The following TTLL11 variants were observed in gnomAD, a reference collection of about 807,000 sequenced individuals.
TTLL11 encodes the protein tubulin polyglutamylase TTLL11.
A neutral mutation model predicts 51.7 loss-of-function variants in TTLL11; 42 were observed. The ratio of observed to expected loss-of-function variants is 0.81; its 90% CI spans 0.64 to 1.05. The LOEUF (loss-of-function observed/expected upper bound fraction) is 1.05. Among genes scored for constraint, TTLL11 ranks in the 50% least tolerant of loss-of-function variants. The pLI is 0.00. For synonymous variants in TTLL11, 381 were observed against 383.5 expected (o/e 0.99, Z 0.08); for missense variants, 799 against 940.4 (o/e 0.85, Z 1.97).
chr9:122,009,213 T>C (rs1843732565), intron 3 of TTLL11, among the ~76,000 whole-genome samples: 1 of 152,196 alleles, frequency 6.6e-6, no homozygotes, highest in Non-Finnish European at 1.5e-5. Flanking sequence ...ATGATATATA[T>C]GTGAGGTAAT....
At chr9:121,833,495 C>G (rs930466836) in intron 8 of TTLL11, among the ~76,000 whole-genome samples, 1 of 152,194 alleles carries the variant, frequency 6.6e-6, no homozygotes, top group Non-Finnish European at 1.5e-5. Flanking sequence ...TCCTATCTTA[C>G]GTCTGCATAG....
intron 6 of TTLL11, among the ~76,000 whole-genome samples, chr9:121,945,013 TTTC>T (rs1841613041): frequency 6.6e-6 from 1 of 152,208 alleles, no homozygotes; most frequent in Admixed American, 6.5e-5. Context: ...ACCATTAGTG[TTTC>T]TTCACTAAAT....
At chr9:121,907,612 G>C (rs1349693959) in intron 6 of TTLL11, among the ~76,000 whole-genome samples, 1 of 152,170 alleles carries the variant, frequency 6.6e-6, no homozygotes, top group Non-Finnish European at 1.5e-5. Context: ...AATCATTTAA[G>C]ATTCTTTCAG....
At chr9:122,029,173 T>A (rs1331113077) in intron 3 of TTLL11, among the ~76,000 whole-genome samples, 1 of 152,210 alleles carries the variant, frequency 6.6e-6, no homozygotes, top group Non-Finnish European at 1.5e-5. Flanking sequence ...TTATGCACTG[T>A]ACAGAATACT....
chr9:121,998,147 AC>A (rs1843338051), intron 3 of TTLL11, among the ~76,000 whole-genome samples: 1 of 152,150 alleles, frequency 6.6e-6, no homozygotes, highest in African/African-American at 2.4e-5. Context: ...CCGAATGTAT[AC>A]GACTGGTTAT....
chr9:122,067,850 T>C (rs1845629676), intron 1 of TTLL11, among the ~76,000 whole-genome samples: 1 of 152,246 alleles, frequency 6.6e-6, no homozygotes, highest in Admixed American at 6.5e-5. Context: ...TTCCCACTTC[T>C]TATGACAAGC....
intron 3 of TTLL11, among the ~76,000 whole-genome samples, chr9:121,991,841 C>T (rs959298955): frequency 3.3e-5 from 5 of 152,128 alleles, no homozygotes; most frequent in African/African-American, 7.2e-5. Context: ...ACCCAGTACT[C>T]TCAAAAGTCA....
chr9:121,954,675 G>GATGC (rs1195004791), intron 6 of TTLL11, among the ~76,000 whole-genome samples: 1,403 of 73,996 alleles, frequency 0.019, 17 homozygotes, highest in African/African-American at 0.057. Context: ...CACACACACA[G>GATGC]ACGCACACAC....
At chr9:121,933,006 C>T (rs79679417) in intron 6 of TTLL11, among the ~76,000 whole-genome samples, 1,798 of 152,232 alleles carry the variant, frequency 0.012, 37 homozygotes, top group African/African-American at 0.041. Context: ...TGATGTCTCA[C>T]GGAAAAGATT....
Position 121,997,389 on chromosome 9 carries a change from C to A in TTLL11, c.694-7619G>T, listed in dbSNP as rs147140597. On this transcript the variant is annotated intron_variant, in intron 3 of 8. Transcript: ENST00000321582. ...CTCCTTCCCCACAGTGCAGTCCCAG[C>A]CAGCCTCTGTCCAGCCCCACCTAAT... is the stretch of plus-strand genomic sequence containing the variant. 6.6e-4 allele frequency among the ~76,000 whole-genome samples: 100 copies of A among 152,094 alleles called. No homozygotes were observed. In the East Asian group the frequency reaches 0.018, roughly 27 times the overall value.
chr9:121,960,676 G>A (rs545147942), intron 6 of TTLL11, among the ~76,000 whole-genome samples: 7 of 152,128 alleles, frequency 4.6e-5, no homozygotes, highest in East Asian at 1.9e-4. Flanking sequence ...ACTTGCATTC[G>A]TTCACACCTT....
intron 8 of TTLL11, among the ~76,000 whole-genome samples, chr9:121,836,486 C>T (rs985300939): frequency 6.6e-6 from 1 of 152,212 alleles, no homozygotes; most frequent in African/African-American, 2.4e-5. Flanking sequence ...GTGCTCTCTG[C>T]TCTCTGCCTG....
intron 1 of TTLL11, among the ~76,000 whole-genome samples, chr9:122,059,094 C>A (rs376933825): frequency 2.9e-4 from 44 of 152,204 alleles, no homozygotes; most frequent in African/African-American, 1.0e-3. Flanking sequence ...CTTGAAGAAA[C>A]CAAGCCAGTC....
At chr9:121,945,410 A>T (rs1841627081) in intron 6 of TTLL11, among the ~76,000 whole-genome samples, 1 of 152,162 alleles carries the variant, frequency 6.6e-6, no homozygotes, top group Non-Finnish European at 1.5e-5. Flanking sequence ...AGATTGGGAG[A>T]TTGCTCGGAA....
At chr9:122,080,713 A>G (rs1845984661) in intron 1 of TTLL11, among the ~76,000 whole-genome samples, 1 of 152,112 alleles carries the variant, frequency 6.6e-6, no homozygotes, top group African/African-American at 2.4e-5. Context: ...AAAAAAGAAA[A>G]AGAAAAGAAC....
At chr9:121,886,632 A>C (rs1268383449) in intron 6 of TTLL11, among the ~76,000 whole-genome samples, 1 of 152,222 alleles carries the variant, frequency 6.6e-6, no homozygotes, top group Non-Finnish European at 1.5e-5. Context: ...TGTTGTTCTA[A>C]GTCACGCAGT....
At chr9:121,866,745 T>TTAATTAC (rs1838190259) in intron 7 of TTLL11, among the ~76,000 whole-genome samples, 2 of 152,138 alleles carry the variant, frequency 1.3e-5, no homozygotes, top group African/African-American at 2.4e-5. Context: ...CCCTGCATTC[T>TTAATTAC]TAATTACTAC....
At chr9:121,916,944 C>T (rs1223743091) in intron 6 of TTLL11, among the ~76,000 whole-genome samples, 10 of 152,172 alleles carry the variant, frequency 6.6e-5, no homozygotes, top group Non-Finnish European at 1.0e-4. Flanking sequence ...ATCCAAGACC[C>T]CGTCCCATTT....
chr9:121,869,863 G>A (rs1276503148), intron 7 of TTLL11, among the ~76,000 whole-genome samples: 1 of 152,118 alleles, frequency 6.6e-6, no homozygotes, highest in East Asian at 1.9e-4. Flanking sequence ...GCCCCAAAGT[G>A]CCCCCACAGG....
Sources: allele counts gnomAD v4.1 joint callset (sites outside exome capture counted in the v4.1 genomes callset), GRCh38; gene constraint gnomAD v4.1.1; transcripts MANE v1.5; gene names NCBI Gene and HGNC (gene_info 2026-07-23, HGNC 2026-07-21).